Variants in KIF25 observed in about 807,000 individuals in gnomAD.
KIF25 encodes kinesin-like protein KIF25.
In KIF25, 19 loss-of-function variants were observed where a neutral mutation model predicts 32.9. The ratio of observed to expected loss-of-function variants is 0.58; its 90% CI spans 0.40 to 0.85. KIF25 has a LOEUF of 0.85. KIF25 is among the 40% of genes least tolerant of loss of function. The pLI, the probability that KIF25 is intolerant of heterozygous loss-of-function variation, is 0.00. For missense variants in KIF25, 485 were observed against 507.0 expected (o/e 0.96, Z 0.42); for synonymous variants, 225 against 213.7 (o/e 1.05, Z -0.46).
chr6:168,015,800 C>T (rs776613694), intron 4 of KIF25, among the ~76,000 whole-genome samples: 50 of 152,134 alleles, frequency 3.3e-4, no homozygotes, highest in Non-Finnish European at 5.6e-4. Flanking sequence ...TAAAATCGAA[C>T]GATCTCACTG....
chr6:168,002,957 A>C (rs1207803755), intron 3 of KIF25, among the ~76,000 whole-genome samples: 2 of 152,182 alleles, frequency 1.3e-5, no homozygotes, highest in Non-Finnish European at 2.9e-5. Flanking sequence ...TCCCAAGAGA[A>C]TCTAATGCTG....
intron 4 of KIF25, among the ~76,000 whole-genome samples, chr6:168,011,318 G>A (rs183503165): frequency 4.6e-5 from 7 of 151,984 alleles, no homozygotes; most frequent in African/African-American, 1.7e-4. Context: ...TTTTTATGAT[G>A]GTGGTTATTG....
chr6:168,029,761 A>G, intron 6 of KIF25, 84 bp downstream of exon 6: 1 of 1,486,802 alleles, frequency 6.7e-7, no homozygotes, highest in Non-Finnish European at 9.1e-7. Flanking sequence ...TATTCTTTCT[A>G]CTTTTGTATC....
At chr6:168,042,992 A>G (rs114954405) in intron 12 of KIF25, among the ~76,000 whole-genome samples, 1,811 of 152,180 alleles carry the variant, frequency 0.012, 43 homozygotes, top group African/African-American at 0.042. Flanking sequence ...TCTCTTCACC[A>G]GGGGTCCGCC....
chr6:168,026,603 CCTTAA>C (rs1298467555), intron 5 of KIF25, among the ~76,000 whole-genome samples: 1 of 152,000 alleles, frequency 6.6e-6, no homozygotes, highest in Admixed American at 6.6e-5. Flanking sequence ...CACTTTCAGC[CCTTAA>C]CTTATTTTAA....
At chr6:168,019,198 A>G (rs1798755492) in intron 5 of KIF25, among the ~76,000 whole-genome samples, 1 of 152,236 alleles carries the variant, frequency 6.6e-6, no homozygotes, top group African/African-American at 2.4e-5. Context: ...GGGTCAAAAC[A>G]TGGCGCACCC....
At chr6:168,042,805 C>G (rs1402409322) in intron 12 of KIF25, 89 bp downstream of exon 12, 1 of 1,438,774 alleles carries the variant, frequency 7.0e-7, no homozygotes, top group Non-Finnish European at 9.4e-7. Context: ...TCCTCGAGGG[C>G]CACCCATGCA....
chr6:168,015,001 T>C (rs889976315), intron 4 of KIF25, among the ~76,000 whole-genome samples: 1 of 152,378 alleles, frequency 6.6e-6, no homozygotes, highest in Non-Finnish European at 1.5e-5. Flanking sequence ...ATGTAAAGCA[T>C]ATTTTTCTGG....
At chr6:168,032,170 C>T (rs576096193) in intron 7 of KIF25, among the ~76,000 whole-genome samples, 1 of 152,284 alleles carries the variant, frequency 6.6e-6, no homozygotes, top group South Asian at 2.1e-4. Flanking sequence ...GAGGCCTGTC[C>T]GGCCCCCACT....
intron 11 of KIF25, 152 bp downstream of exon 11, chr6:168,042,303 A>AGGGATTG (rs1240095845): frequency 1.1e-6 from 1 of 935,950 alleles, no homozygotes; most frequent in Non-Finnish European, 1.6e-6. Context: ...TTACATTCTC[A>AGGGATTG]GGGATTGGTT....
In KIF25 at chr6:168,045,020, A is replaced by C; in HGVS notation, c.*24A>C. 3 of 1,569,084 alleles carry C rather than the reference A, an allele frequency of 1.9e-6. No individual in the cohort carries two copies. Among genetic ancestry groups the C allele is most frequent in the Middle Eastern group, 1.7e-4 (1 of 5,854 alleles). ...GAATGCATTAACAAGTTTTTCTCCTAAAACTGTGTTTCTTGTCCTTGCTTT... is the reference window on the plus strand; with the variant it reads ...GAATGCATTAACAAGTTTTTCTCCTCAAACTGTGTTTCTTGTCCTTGCTTT... On this transcript the variant is annotated 3_prime_UTR_variant, in exon 13 of 13. Transcript: ENST00000643607.
rs1397049261 is a variant in KIF25, at chr6:168,038,634, T to C, written c.399T>C (p.Leu133=). The change falls in exon 9 of 13, where the codon CTT becomes CTC. Residue 133 remains leucine, a synonymous_variant. Transcript: ENST00000643607. ...VEVYNNDIFD[L]LAKDSIAAVS... is the part of the protein sequence containing the mutation. ...TTTACAATAATGACATTTTTGACCTTCTGGCCAAAGACAGCATTGCAGCAG... is the reference window on the plus strand; with the variant it reads ...TTTACAATAATGACATTTTTGACCTCCTGGCCAAAGACAGCATTGCAGCAG... 1 of 1,614,200 alleles carries C rather than the reference T, an allele frequency of 6.2e-7. No homozygotes were observed. The highest frequency in any genetic ancestry group is 1.1e-5 in the South Asian group (1 of 91,084).
intron 2 of KIF25, among the ~76,000 whole-genome samples, chr6:167,999,861 C>A (rs1798472663): frequency 6.6e-6 from 1 of 152,094 alleles, no homozygotes; most frequent in African/African-American, 2.4e-5. Flanking sequence ...TGACTTACTT[C>A]CTTCCCCATG....
chr6:168,011,598 C>CTT (rs1798647431), intron 4 of KIF25, among the ~76,000 whole-genome samples: 1 of 152,146 alleles, frequency 6.6e-6, no homozygotes, highest in South Asian at 2.1e-4. Flanking sequence ...TGACTTAATG[C>CTT]TTTTCTCTTG....
intron 11 of KIF25, 66 bp from the exon 12 acceptor site, chr6:168,042,495 C>T: frequency 6.4e-7 from 1 of 1,563,248 alleles, no homozygotes; most frequent in Non-Finnish European, 8.7e-7. Context: ...TCCCAAGGAG[C>T]CGGTTTTGCT....
chr6:168,038,439 G>A (rs57457790), intron 8 of KIF25, 114 bp from the exon 9 acceptor site: 52,485 of 1,012,920 alleles, frequency 0.052, 1,942 homozygotes, highest in African/African-American at 0.17. Flanking sequence ...CCCTCTGCTC[G>A]GACCCCAGCA....
intron 5 of KIF25, among the ~76,000 whole-genome samples, chr6:168,021,538 GAC>G (rs1161165650): frequency 6.6e-6 from 1 of 152,166 alleles, no homozygotes; most frequent in Non-Finnish European, 1.5e-5. Flanking sequence ...AAATATACCT[GAC>G]ATAAAAGTTT....
intron 4 of KIF25, among the ~76,000 whole-genome samples, chr6:168,016,382 G>A (rs990973617): frequency 6.6e-5 from 10 of 152,364 alleles, no homozygotes; most frequent in Middle Eastern, 3.4e-3. Flanking sequence ...ACGAGCACGC[G>A]CAACCTCCAC....
Position 168,024,423 on chromosome 6 carries a change from CTTTTTTTTTTTTTTTTTT to C in KIF25, c.-94-5056_-94-5039del, listed in dbSNP as rs56243912. Among the ~76,000 whole-genome samples the C allele has an allele frequency of 1.1e-4, 7 of 61,992 alleles. 1 individual carries two copies. Among genetic ancestry groups the C allele is most frequent in the East Asian group, 6.5e-4 (1 of 1,546 alleles). The allele number at this position is 61,992 out of a possible 152,430, so 40.7% of individuals were successfully genotyped here. On this transcript the variant is annotated intron_variant, in intron 5 of 12. Transcript: ENST00000643607. Reference sequence around the variant, plus strand: ...GAATAATCTTAGTAAAAACCTCTCTCTTTTTTTTTTTTTTTTTTTTTTTTTTTTTTACTGTGCTTCAGA... The same window carrying C: ...GAATAATCTTAGTAAAAACCTCTCTCTTTTTTTTTTTTACTGTGCTTCAGA...
Sources: gnomAD v4.1 joint callset for allele counts (sites outside exome capture counted in the v4.1 genomes callset) on GRCh38, gnomAD v4.1.1 for gene constraint, MANE v1.5 for transcripts, NCBI Gene and HGNC (gene_info 2026-07-23, HGNC 2026-07-21) for gene names.